RNF19B: variants seen among roughly 807,000 people sequenced by gnomAD.
RNF19B encodes the protein E3 ubiquitin-protein ligase RNF19B.
In RNF19B, 23 loss-of-function variants were observed where a neutral mutation model predicts 65.5. The observed-to-expected ratio is 0.35, with a 90% CI of 0.25 to 0.50. The LOEUF is 0.50. RNF19B is among the 20% of genes least tolerant of loss of function. RNF19B has a pLI of 0.98. For synonymous variants in RNF19B, 372 were observed against 379.6 expected, an observed-to-expected ratio of 0.98 and a Z score of 0.23; for missense variants, 794 against 980.0, an observed-to-expected ratio of 0.81 and a Z score of 2.53.
In RNF19B at chr1:32,964,409, C is replaced by T. The variant is rs1382021223; in HGVS notation, c.277G>A (p.Ala93Thr). 8.6e-6 allele frequency: 11 copies of T among 1,273,620 alleles called. No homozygotes were observed. The highest frequency in any genetic ancestry group is 1.1e-5 in the Non-Finnish European group (11 of 1,011,876). The allele number at this position is 1,273,620 out of a possible 1,614,324, so 78.9% of individuals were successfully genotyped here. The change falls in exon 1 of 9, where the codon GCG becomes ACG. Residue 93 changes from alanine (A) to threonine (T), a missense_variant. By Grantham distance (58) the Ala-to-Thr change is moderately conservative. Transcript: ENST00000235150. The surrounding 1 kb of genome is among the most constrained non-coding windows in gnomAD (Gnocchi z 6.5). ...AACCCAGGCTCCGCCGCCGCCGCCG[C>T]GGCCTCCGCCTCGGCCTCGGCGGCC... is the stretch of plus-strand genomic sequence containing the variant. ...EPAAEAEAEAAAAAAEPGFDD... is the reference protein window; with the variant it reads ...EPAAEAEAEATAAAAEPGFDD...
At chr1:32,932,983 T>C (rs188708460), downstream of RNF19B, among the ~76,000 whole-genome samples, 45 of 152,306 alleles carry the variant, frequency 3.0e-4, no homozygotes, top group Non-Finnish European at 5.4e-4. Context: ...TCTAATAAAA[T>C]GGAACCTTAT....
At position 32,948,223 on chromosome 1, in the gene RNF19B, T is replaced by C. The variant is rs763210386; in HGVS notation, c.982A>G (p.Ser328Gly). 3 of 1,613,656 alleles carry C rather than the reference T, an allele frequency of 1.9e-6. No individual in the cohort carries two copies. The highest frequency in any genetic ancestry group is 2.5e-6 in the Non-Finnish European group (3 of 1,179,718). The change falls in exon 3 of 9, where the codon AGC (serine) becomes GGC (glycine). Residue 328 changes from serine to glycine, a missense_variant and splice_region_variant. By Grantham distance (56) the Ser-to-Gly change is moderately conservative. This residue lies in a region of RNF19B where 52 missense variants were observed against 108.8 expected (regional missense o/e 0.48). Transcript: ENST00000235150. ...MKEISDLHYL[S>G]PSGCTFWGKK... ...GAATGGATGCATTTCCCATCTTACC[T>C]GAGGTAATGCAAGTCTGAGATCTCT...
At chr1:32,947,087 C>A (rs1387285843) in intron 3 of RNF19B, among the ~76,000 whole-genome samples, 2 of 152,156 alleles carry the variant, frequency 1.3e-5, no homozygotes, top group African/African-American at 4.8e-5. Context: ...TACAGTCAGC[C>A]CTTCTGTGCC....
In RNF19B at chr1:32,944,106, G is replaced by A; in HGVS notation, c.1315C>T (p.Leu439Phe). The change falls in exon 6 of 9, where the codon CTT (leucine) becomes TTT (phenylalanine). Residue 439 changes from leucine to phenylalanine, a missense_variant. This residue lies in a region of RNF19B where 368 missense variants were observed against 447.3 expected (regional missense o/e 0.82). Transcript: ENST00000235150. ...AYVYGVVPISLCRGGGCGVST... is the reference protein window; with the variant it reads ...AYVYGVVPISFCRGGGCGVST... ...ACTCCACAGCCGCCTCCACGACAAA[G>A]AGAAATGGGCACAACCCCATAAACA... 2 of 1,614,062 alleles carry A rather than the reference G, an allele frequency of 1.2e-6. No individual in the cohort carries two copies. Among genetic ancestry groups the A allele is most frequent in the Non-Finnish European group, 1.7e-6 (2 of 1,179,980 alleles).
At chr1:32,958,566 A>G (rs1364290213) in intron 1 of RNF19B, among the ~76,000 whole-genome samples, 1 of 152,140 alleles carries the variant, frequency 6.6e-6, no homozygotes, top group Non-Finnish European at 1.5e-5. Flanking sequence ...AATACAAAAA[A>G]TTAGCCAGGC....
At position 32,942,473 on chromosome 1, in the gene RNF19B, C is replaced by T; in HGVS notation, c.1403-14G>A. 6.2e-7 allele frequency: 1 copy of T among 1,607,860 alleles called. No individual in the cohort carries two copies. On this transcript the variant is annotated splice_polypyrimidine_tract_variant and intron_variant, in intron 6 of 8. Coordinates refer to ENST00000235150, the MANE Select transcript of RNF19B (RefSeq NM_001300826.2). ...AGGCATCTGCCACTGGGGATAGAAC[C>T]AAACATCCAATTCAAGACAGCAGAG...
intron 2 of RNF19B, among the ~76,000 whole-genome samples, chr1:32,949,317 C>T (rs992388074): frequency 2.0e-5 from 3 of 152,160 alleles, no homozygotes; most frequent in African/African-American, 7.2e-5. Flanking sequence ...CAATCTGAGA[C>T]ATATTACTAA....
At chr1:32,959,223 A>G (rs1642713340) in intron 1 of RNF19B, among the ~76,000 whole-genome samples, 1 of 152,220 alleles carries the variant, frequency 6.6e-6, no homozygotes, top group South Asian at 2.1e-4. Context: ...CAGAGGACAG[A>G]GGCAGCAATG....
chr1:32,954,021 G>C lies in RNF19B; in HGVS notation c.636-4247C>G, dbSNP rs1202244678. On this transcript the variant is annotated intron_variant, in intron 1 of 8. Transcript: ENST00000235150. ...CCTCCTGGGTTCAAGCGATTCTCCT[G>C]CCTCAGCCTCCCAAGTAGCTGGGCT... Among the ~76,000 whole-genome samples the C allele has an allele frequency of 1.4e-5, 2 of 146,016 alleles. 1 individual carries two copies. Among genetic ancestry groups the C allele is most frequent in the African/African-American group, 5.1e-5 (2 of 39,356 alleles).
rs568404139 is a variant in RNF19B at position 32,957,551 on chromosome 1, A to G, written c.635+6500T>C. ...TGTATCATTCTGAAAGTATCTGTTG[A>G]AGCCAGGTGTGGTGGCTCACACCTG... On this transcript the variant is annotated intron_variant, in intron 1 of 8. Coordinates refer to ENST00000235150, the MANE Select transcript of RNF19B (RefSeq NM_001300826.2). 3.0e-4 allele frequency among the ~76,000 whole-genome samples: 46 copies of G among 152,284 alleles called. 1 individual carries two copies. The highest frequency in any genetic ancestry group is 9.1e-4 in the African/African-American group (38 of 41,570).
rs752648459 is a variant in RNF19B at position 32,942,297 on chromosome 1, G to A, written c.1565C>T (p.Thr522Met). The A allele has an allele frequency of 7.4e-6, 12 of 1,613,376 alleles. No homozygotes were observed. Among genetic ancestry groups the A allele is most frequent in the Admixed American group, 3.3e-5 (2 of 59,994 alleles). Residue 522 changes from threonine to methionine, a missense_variant, in exon 7 of 9, where the codon ACG becomes ATG. Physicochemically the swap from Thr to Met is moderately conservative, Grantham distance 81. Transcript: ENST00000235150. ...ACTGGAGAGAATGCCGCCACTCAGC[G>A]TGCCCCCTGAGAGGGCTGCAAAGCT... The part of the protein sequence containing the change: ...TASFAALSGG[T>M]LSGGILSSGK...
At chr1:32,958,857 C>T (rs561889526) in intron 1 of RNF19B, among the ~76,000 whole-genome samples, 5 of 152,120 alleles carry the variant, frequency 3.3e-5, no homozygotes, top group South Asian at 4.1e-4. Context: ...GGGAGTGATA[C>T]AGATGTTCTC....
intron 5 of RNF19B, among the ~76,000 whole-genome samples, chr1:32,944,873 A>G (rs1642328090): frequency 6.6e-6 from 1 of 152,004 alleles, no homozygotes; most frequent in South Asian, 2.1e-4. Flanking sequence ...TATTTTTAGT[A>G]GAGATGGGGT....
chr1:32,933,813 C>T (rs1642058093), downstream of RNF19B, among the ~76,000 whole-genome samples: 1 of 152,284 alleles, frequency 6.6e-6, no homozygotes, highest in Admixed American at 6.5e-5. Flanking sequence ...TTCACAACCC[C>T]TTAACTAGGA....
Position 32,945,591 on chromosome 1 carries a change from T to C in RNF19B, c.1184A>G (p.His395Arg). The stretch of plus-strand genomic sequence containing the variant: ...TCCAGTGATAGCCAAATTCCTCTTG[T>C]GTTTGGAGGTTTTCCTTCCCTCATA... ...SRYEGRKTSK[H>R]KRNLAITGGV... Residue 395 changes from histidine (H) to arginine (R), a missense_variant, in exon 5 of 9, where the codon CAC becomes CGC. Physicochemically the swap from His to Arg is conservative, Grantham distance 29. Around this residue, in one of 3 missense-constraint regions of RNF19B, gnomAD observed 368 missense variants for 447.3 expected, o/e 0.82. Transcript: ENST00000235150. The C allele has an allele frequency of 6.2e-7, 1 of 1,613,774 alleles. No homozygotes were observed. Among genetic ancestry groups the C allele is most frequent in the African/African-American group, 1.3e-5 (1 of 75,060 alleles).
intron 1 of RNF19B, among the ~76,000 whole-genome samples, chr1:32,955,177 GGTTC>G (rs1642605682): frequency 6.6e-6 from 1 of 152,008 alleles, no homozygotes. Context: ...CTAGTATACT[GGTTC>G]ATGCTCAAAA....
intron 6 of RNF19B, among the ~76,000 whole-genome samples, chr1:32,943,800 T>A (rs1393364046): frequency 6.6e-6 from 1 of 152,166 alleles, no homozygotes; most frequent in African/African-American, 2.4e-5. Flanking sequence ...GTTACTTGGA[T>A]TCCTACTAGT....
chr1:32,953,438 T>C (rs1403250244), intron 1 of RNF19B, among the ~76,000 whole-genome samples: 2 of 152,156 alleles, frequency 1.3e-5, no homozygotes, highest in Non-Finnish European at 2.9e-5. Flanking sequence ...TGCTTGTTTA[T>C]TTGAATGTAC....
chr1:32,950,030 T>C (rs1460759801), intron 1 of RNF19B, among the ~76,000 whole-genome samples: 2 of 151,984 alleles, frequency 1.3e-5, no homozygotes, highest in Non-Finnish European at 2.9e-5. Context: ...AGTGCAGTGG[T>C]GTAATCTCGG....
Sources: allele counts gnomAD v4.1 joint callset (sites outside exome capture counted in the v4.1 genomes callset), GRCh38; gene constraint gnomAD v4.1.1; regional missense constraint gnomAD v4.1.1; non-coding constraint Gnocchi (gnomAD v3.1); transcripts MANE v1.5; gene names NCBI Gene and HGNC (gene_info 2026-07-23, HGNC 2026-07-21).